Variants in HLCS observed in about 807,000 individuals in gnomAD.
HLCS encodes the protein holocarboxylase synthetase.
A neutral mutation model predicts 75.0 loss-of-function variants in HLCS; 53 were observed. That is an observed-to-expected ratio of 0.71 (90% confidence interval 0.57 to 0.89). The LOEUF (loss-of-function observed/expected upper bound fraction) is 0.89, where lower values mean the gene tolerates loss of function less well. HLCS is among the 40% of genes least tolerant of loss of function. The probability of loss-of-function intolerance (pLI) is 0.00; values close to 1 mark genes in which losing one functional copy is unlikely to be tolerated. For synonymous variants in HLCS, 431 were observed against 428.6 expected, an observed-to-expected ratio of 1.01 and a Z score of -0.07; for missense variants, 966 against 1,074.0, an observed-to-expected ratio of 0.90 and a Z score of 1.41.
intron 2 of HLCS, among the ~76,000 whole-genome samples, chr21:36,950,407 T>C (rs765833680): frequency 1.2e-4 from 18 of 151,154 alleles, no homozygotes; most frequent in Non-Finnish European, 7.4e-5. Context: ...GCATTGAACA[T>C]AGATAAAAAG....
In HLCS at chr21:36,937,389, A is replaced by C; in HGVS notation, c.497T>G (p.Val166Gly). ...CTTCAGAGTGGAGTCCTGCAAGTGC[A>C]CCGCTAAGGCATGAATAGGAGAGAG... ...NGLVPQKIVSVHLQDSTLKEV... is the reference protein window; with the variant it reads ...NGLVPQKIVSGHLQDSTLKEV... Residue 166 changes from valine (V) to glycine (G), a missense_variant, in exon 4 of 11, where the codon GTG (valine) becomes GGG (glycine). Val to Gly is a moderately radical substitution (Grantham distance 109). Coordinates refer to ENST00000674895, the MANE Select transcript of HLCS (RefSeq NM_001352514.2). The C allele has an allele frequency of 6.2e-7, 1 of 1,612,874 alleles. No homozygotes were observed. Among genetic ancestry groups the C allele is most frequent in the Non-Finnish European group, 8.5e-7 (1 of 1,179,360 alleles).
At chr21:36,930,161 C>T in intron 5 of HLCS, 90 bp downstream of exon 5, 1 of 1,192,342 alleles carries the variant, frequency 8.4e-7, no homozygotes, top group Non-Finnish European at 1.3e-6. Context: ...AAATCAAAAC[C>T]AACCAAAATA....
intron 6 of HLCS, among the ~76,000 whole-genome samples, chr21:36,855,639 C>T (rs1031125548): frequency 6.6e-6 from 1 of 151,154 alleles, no homozygotes. Flanking sequence ...GGAAATGGCA[C>T]AATCATGGCT....
rs1338781424 is a variant in HLCS, at chr21:36,753,462, C to A, written c.*784G>T. ...CGCCCACCTCCTCATCCAAGTGATG[C>A]CTAATCAGACATTTAAGGATTCTGA... On this transcript the variant is annotated 3_prime_UTR_variant, in exon 11 of 11. Transcript: ENST00000674895. This position sits in a 1 kb window ranked among gnomAD's most constrained non-coding sequence, Gnocchi z 4.3. 1 of 152,222 alleles carries A rather than the reference C, an allele frequency of 6.6e-6. No individual in the cohort carries two copies. The highest frequency in any genetic ancestry group is 1.5e-5 in the Non-Finnish European group (1 of 68,084). The allele number at this position is 152,222 out of a possible 1,614,324, so 9.4% of individuals were successfully genotyped here.
In HLCS at chr21:36,761,172, G is replaced by A. The variant is rs534362399; in HGVS notation, c.2122-1331C>T. ...CTAGCGCATCCCCAGGGAACAGAGG[G>A]AGAAACGGAAGCTTAGAGAAATTAT... On this transcript the variant is annotated intron_variant, in intron 8 of 10. Transcript: ENST00000674895. 2.9e-4 allele frequency among the ~76,000 whole-genome samples: 44 copies of A among 152,338 alleles called. No individual in the cohort carries two copies. The South Asian group carries it at 8.9e-3, about 31-fold the overall frequency.
At chr21:36,930,894 A>G (rs184398005) in intron 4 of HLCS, among the ~76,000 whole-genome samples, 12 of 152,334 alleles carry the variant, frequency 7.9e-5, no homozygotes, top group Admixed American at 2.6e-4. Context: ...CACGGTGGAA[A>G]TGACCCTGGA....
In HLCS at chr21:36,953,756, T is replaced by G. The variant is rs188791003; in HGVS notation, c.330+8280A>C. Among the ~76,000 whole-genome samples, 485 of 152,202 alleles carry G rather than the reference T, an allele frequency of 3.2e-3. 1 individual carries two copies. Among genetic ancestry groups the G allele is most frequent in the Middle Eastern group, 0.02 (6 of 294 alleles). ...CTGATCTTGGCTTTAAGTTGAAATC[T>G]TACTAAATTTATATATAATATTAGA... On this transcript the variant is annotated intron_variant, in intron 2 of 10. Transcript: ENST00000674895.
At chr21:36,813,261 C>A (rs2061563624) in intron 6 of HLCS, among the ~76,000 whole-genome samples, 2 of 152,216 alleles carry the variant, frequency 1.3e-5, no homozygotes, top group Non-Finnish European at 2.9e-5. Flanking sequence ...TGCAGCCAAA[C>A]AACTGGTGTT....
At chr21:36,773,603 T>C (rs955589866) in intron 6 of HLCS, among the ~76,000 whole-genome samples, 1 of 152,172 alleles carries the variant, frequency 6.6e-6, no homozygotes, top group Non-Finnish European at 1.5e-5. Flanking sequence ...GTGCTTCTCT[T>C]TGCTATCTTC....
At chr21:36,966,294 G>T (rs1208049444) in intron 1 of HLCS, 150 bp downstream of exon 1, 4 of 227,622 alleles carry the variant, frequency 1.8e-5, no homozygotes, top group African/African-American at 2.3e-5. Context: ...TGGGCCCCGG[G>T]GCAACAGCCC....
chr21:36,763,369 C>T (rs1456378639), intron 8 of HLCS, among the ~76,000 whole-genome samples: 1 of 152,178 alleles, frequency 6.6e-6, no homozygotes, highest in Non-Finnish European at 1.5e-5. Context: ...GTGCTCAAGG[C>T]CGGGCACCTG....
At chr21:36,912,262 A>C (rs767812838) in intron 5 of HLCS, among the ~76,000 whole-genome samples, 8 of 151,852 alleles carry the variant, frequency 5.3e-5, no homozygotes, top group Non-Finnish European at 1.2e-4. Flanking sequence ...GATAAACAAA[A>C]TGTGGCATAT....
intron 6 of HLCS, among the ~76,000 whole-genome samples, chr21:36,840,321 C>G (rs1181051465): frequency 6.6e-6 from 1 of 152,126 alleles, no homozygotes; most frequent in Non-Finnish European, 1.5e-5. Flanking sequence ...ATAATTCAGT[C>G]TACCTTTAGT....
In HLCS at chr21:36,913,092, C is replaced by T. The variant is rs893237394; in HGVS notation, c.1621-15961G>A. 4.6e-5 allele frequency among the ~76,000 whole-genome samples: 7 copies of T among 152,126 alleles called. No individual in the cohort carries two copies. The East Asian group carries it at 9.7e-4, about 21-fold the overall frequency. On this transcript the variant is annotated intron_variant, in intron 5 of 10. Coordinates refer to ENST00000674895, the MANE Select transcript of HLCS (RefSeq NM_001352514.2). ...CCCAAGATCCCCAGTCCTTTCCAGG[C>T]GACACCTCTGCATCATTAGCACCGT... is the stretch of plus-strand genomic sequence containing the variant.
chr21:36,799,030 C>G (rs928639648), intron 6 of HLCS, among the ~76,000 whole-genome samples: 4 of 152,046 alleles, frequency 2.6e-5, no homozygotes, highest in African/African-American at 9.7e-5. Flanking sequence ...TTTTTTAGAT[C>G]AAAGTCCATT....
chr21:36,838,474 G>A (rs2062497572), intron 6 of HLCS, among the ~76,000 whole-genome samples: 1 of 152,168 alleles, frequency 6.6e-6, no homozygotes. Flanking sequence ...GGGAGGCCGA[G>A]GCGGGCAGAT....
chr21:36,795,739 C>T (rs940004660), intron 6 of HLCS, among the ~76,000 whole-genome samples: 2 of 152,222 alleles, frequency 1.3e-5, no homozygotes, highest in African/African-American at 4.8e-5. Flanking sequence ...CTCTGTTTCC[C>T]TTTTGGAGGA....
intron 2 of HLCS, among the ~76,000 whole-genome samples, chr21:36,939,343 T>C (rs1259047552): frequency 6.6e-6 from 1 of 152,084 alleles, no homozygotes; most frequent in Non-Finnish European, 1.5e-5. Flanking sequence ...GAACAAGAAG[T>C]CCACAATACC....
intron 6 of HLCS, among the ~76,000 whole-genome samples, chr21:36,793,995 C>T (rs1471961685): frequency 6.6e-6 from 1 of 152,232 alleles, no homozygotes; most frequent in Non-Finnish European, 1.5e-5. Flanking sequence ...TGTGAATGTG[C>T]TTTCAGACCT....
Sources: allele counts gnomAD v4.1 joint callset (sites outside exome capture counted in the v4.1 genomes callset), GRCh38; gene constraint gnomAD v4.1.1; non-coding constraint Gnocchi (gnomAD v3.1); transcripts MANE v1.5; gene names NCBI Gene and HGNC (gene_info 2026-07-23, HGNC 2026-07-21).